Variants in DPYSL5 observed in about 807,000 individuals in gnomAD.
DPYSL5 encodes dihydropyrimidinase-related protein 5.
DPYSL5 carries 9 observed loss-of-function variants against 58.4 expected under a neutral mutation model. The observed-to-expected ratio is 0.15, with a 90% confidence interval of 0.09 to 0.27. The LOEUF (loss-of-function observed/expected upper bound fraction) is 0.27. Ranked by LOEUF, DPYSL5 falls within the 10% of genes least tolerant of loss-of-function variation. DPYSL5 has a pLI of 1.00. For synonymous variants in DPYSL5, 293 were observed against 301.9 expected (o/e 0.97, Z 0.31); for missense variants, 499 against 770.6 (o/e 0.65, Z 4.17).
chr2:26,924,134 C>A lies in DPYSL5; in HGVS notation c.262-753C>A, dbSNP rs1035824470. ...TTTAGTCATTTTTCCTGGGGGTTCA[C>A]TCTATGATTGCGAGTGAGGCTTTTT... On this transcript the variant is annotated intron_variant, in intron 2 of 12. Transcript: ENST00000288699. The surrounding 1 kb of genome is among the most constrained non-coding windows in gnomAD (Gnocchi z 4.7). 1.3e-5 allele frequency among the ~76,000 whole-genome samples: 2 copies of A among 152,160 alleles called. No individual in the cohort carries two copies. Among genetic ancestry groups the A allele is most frequent in the African/African-American group, 2.4e-5 (1 of 41,434 alleles).
At chr2:26,863,078 C>T (rs1033705488) in intron 1 of DPYSL5, among the ~76,000 whole-genome samples, 1 of 152,150 alleles carries the variant, frequency 6.6e-6, no homozygotes, top group Non-Finnish European at 1.5e-5. Flanking sequence ...TTTCCCCCAC[C>T]ACCCACCTCC....
At chr2:26,892,363 A>G (rs1276709481) in intron 1 of DPYSL5, among the ~76,000 whole-genome samples, 1 of 152,228 alleles carries the variant, frequency 6.6e-6, no homozygotes, top group East Asian at 1.9e-4. Flanking sequence ...CAAAGCTCAG[A>G]CAAGAATTCT....
At position 26,899,977 on chromosome 2, in the gene DPYSL5, G is replaced by A. The variant is rs150147311; in HGVS notation, c.261+1217G>A. On this transcript the variant is annotated intron_variant, in intron 2 of 12. Coordinates refer to ENST00000288699, the MANE Select transcript of DPYSL5 (RefSeq NM_020134.4). ...TCTTGCAGGGTGCCTGGTGACAGTC[G>A]GGACCTTTCTCAAGTGAGTGAGCAT... 2.1e-3 allele frequency among the ~76,000 whole-genome samples: 324 copies of A among 152,268 alleles called. 1 individual carries two copies. The highest frequency in any genetic ancestry group is 7.4e-3 in the African/African-American group (308 of 41,552).
intron 5 of DPYSL5, 44 bp from the exon 6 acceptor site, chr2:26,931,596 G>T (rs1348927916): frequency 6.2e-7 from 1 of 1,612,418 alleles, no homozygotes; most frequent in South Asian, 1.1e-5. Flanking sequence ...ATCCTTGGAG[G>T]AGATGGTGAA....
intron 5 of DPYSL5, among the ~76,000 whole-genome samples, chr2:26,931,197 GTGTGTGTATATATATATATA>G (rs1381475370): frequency 3.0e-4 from 16 of 52,508 alleles, no homozygotes; most frequent in African/African-American, 9.6e-4. Context: ...GTGTGTGTGT[GTGTGTGTATATATATATATA>G]TATATATATA....
At chr2:26,941,557 G>T (rs183741693) in intron 9 of DPYSL5, among the ~76,000 whole-genome samples, 23 of 152,220 alleles carry the variant, frequency 1.5e-4, no homozygotes, top group African/African-American at 5.5e-4. Flanking sequence ...GTACTCTCAT[G>T]GGTGGGGCAA....
chr2:26,945,379 T>A (rs1355869097), intron 12 of DPYSL5, among the ~76,000 whole-genome samples: 1 of 152,042 alleles, frequency 6.6e-6, no homozygotes, highest in Non-Finnish European at 1.5e-5. Flanking sequence ...TCTCGACTTC[T>A]GATGCCCAGT....
intron 1 of DPYSL5, among the ~76,000 whole-genome samples, chr2:26,869,884 G>T (rs958777851): frequency 6.6e-6 from 1 of 152,100 alleles, no homozygotes; most frequent in Non-Finnish European, 1.5e-5. Flanking sequence ...GGTCACAGGC[G>T]CCTGTAGTCC....
At position 26,942,307 on chromosome 2, in the gene DPYSL5, C is replaced by G. The variant is rs574393699; in HGVS notation, c.1232+215C>G. Among the ~76,000 whole-genome samples the G allele has an allele frequency of 6.6e-6, 1 of 152,122 alleles. No individual in the cohort carries two copies. The highest frequency in any genetic ancestry group is 1.5e-5 in the Non-Finnish European group (1 of 68,040). On this transcript the variant is annotated intron_variant, in intron 10 of 12. Transcript: ENST00000288699. The surrounding 1 kb of genome is among the most constrained non-coding windows in gnomAD (Gnocchi z 5.9). ...CTGTCTCCTCTTCTTATAAGGACACCGATAAGACTGGATTAGGGCCCACCT... is the reference window on the plus strand; with the variant it reads ...CTGTCTCCTCTTCTTATAAGGACACGGATAAGACTGGATTAGGGCCCACCT...
At chr2:26,865,438 A>T (rs1157957231) in intron 1 of DPYSL5, among the ~76,000 whole-genome samples, 1 of 149,716 alleles carries the variant, frequency 6.7e-6, no homozygotes, top group African/African-American at 2.5e-5. Context: ...CTCCTGCCTC[A>T]GCCTCCCGAG....
Position 26,947,064 on chromosome 2 carries a change from G to T in DPYSL5, c.*69G>T. 7.2e-7 allele frequency: 1 copy of T among 1,380,170 alleles called. No homozygotes were observed. The highest frequency in any genetic ancestry group is 1.0e-6 in the Non-Finnish European group (1 of 986,034). 85.5% of individuals were successfully genotyped at this position (1,380,170 alleles called of 1,614,324 possible). A position where few individuals can be genotyped will look rare whatever the true frequency, so the allele number is the denominator to read the frequency against. ...AGCCCGCAACTCTCCAGCCGAAGCT[G>T]CAGGGGCAGGAGAGGCTGGGCTGGG... On this transcript the variant is annotated 3_prime_UTR_variant, in exon 13 of 13. Coordinates refer to ENST00000288699, the MANE Select transcript of DPYSL5 (RefSeq NM_020134.4). The surrounding 1 kb of genome is among the most constrained non-coding windows in gnomAD (Gnocchi z 4.2).
chr2:26,858,096 A>AT (rs911132424), intron 1 of DPYSL5, among the ~76,000 whole-genome samples: 2 of 151,070 alleles, frequency 1.3e-5, no homozygotes, highest in Non-Finnish European at 2.9e-5. Flanking sequence ...CCTGAGAAAG[A>AT]TTTTTTTTAG....
chr2:26,885,149 G>A (rs748006129), intron 1 of DPYSL5, among the ~76,000 whole-genome samples: 7 of 151,924 alleles, frequency 4.6e-5, no homozygotes, highest in African/African-American at 1.2e-4. Flanking sequence ...CAGTGAGCTC[G>A]GATCGTGCCA....
At chr2:26,896,726 G>A (rs1664030987) in intron 1 of DPYSL5, among the ~76,000 whole-genome samples, 1 of 152,156 alleles carries the variant, frequency 6.6e-6, no homozygotes, top group Non-Finnish European at 1.5e-5. Flanking sequence ...TTTAAATTGA[G>A]TTGTTTTCTT....
At chr2:26,868,449 A>T (rs966334016) in intron 1 of DPYSL5, among the ~76,000 whole-genome samples, 8 of 152,286 alleles carry the variant, frequency 5.3e-5, no homozygotes, top group African/African-American at 1.9e-4. Flanking sequence ...GTTGTCTTCT[A>T]GTCTTTTTAT....
chr2:26,912,624 C>T (rs545176289), intron 2 of DPYSL5, among the ~76,000 whole-genome samples: 2 of 152,352 alleles, frequency 1.3e-5, no homozygotes, highest in East Asian at 1.9e-4. Context: ...CACACAGCTC[C>T]TCTGAGGAGC....
In DPYSL5 at chr2:26,927,505, C is replaced by A; in HGVS notation, c.600+73C>A. 3 of 1,531,348 alleles carry A rather than the reference C, an allele frequency of 2.0e-6. No individual in the cohort carries two copies. The highest frequency in any genetic ancestry group is 8.9e-7 in the Non-Finnish European group (1 of 1,127,546). 94.9% of individuals were successfully genotyped at this position (1,531,348 alleles called of 1,614,324 possible). A position where few individuals can be genotyped will look rare whatever the true frequency, so the allele number is the denominator to read the frequency against. On this transcript the variant is annotated intron_variant, in intron 4 of 12. Transcript: ENST00000288699. This position sits in a 1 kb window ranked among gnomAD's most constrained non-coding sequence, Gnocchi z 4.3. ...AGTTAGTTCTCAGGGGATTCCTGACCACCCGTCACTGATCCCACAGGATTC... is the reference window on the plus strand; with the variant it reads ...AGTTAGTTCTCAGGGGATTCCTGACAACCCGTCACTGATCCCACAGGATTC...
chr2:26,938,311 C>T (rs189855529), intron 8 of DPYSL5: 1 of 152,364 alleles, frequency 6.6e-6, no homozygotes, highest in East Asian at 1.9e-4. Flanking sequence ...ACCTGCCCTT[C>T]ATGACTGCAG....
At chr2:26,859,552 T>C (rs1665960779) in intron 1 of DPYSL5, among the ~76,000 whole-genome samples, 1 of 152,218 alleles carries the variant, frequency 6.6e-6, no homozygotes, top group African/African-American at 2.4e-5. Context: ...TGTGTGAAAG[T>C]AGGAATAAAA....
Sources: allele counts gnomAD v4.1 joint callset (sites outside exome capture counted in the v4.1 genomes callset), GRCh38; gene constraint gnomAD v4.1.1; non-coding constraint Gnocchi (gnomAD v3.1); transcripts MANE v1.5; gene names NCBI Gene and HGNC (gene_info 2026-07-23, HGNC 2026-07-21).